CTNNA3: variants seen among roughly 807,000 people sequenced by gnomAD.
CTNNA3 encodes catenin alpha 3, also known as catenin alpha-3.
CTNNA3 carries 76 observed loss-of-function variants against 95.7 expected under a neutral mutation model. That is an observed-to-expected ratio of 0.79 (90% CI 0.66 to 0.96). The LOEUF (loss-of-function observed/expected upper bound fraction) is 0.96. CTNNA3 is among the 40% of genes least tolerant of loss of function. The pLI, the probability that CTNNA3 is intolerant of heterozygous loss-of-function variation, is 0.00. For missense variants in CTNNA3, 1,191 were observed against 1,089.8 expected, an observed-to-expected ratio of 1.09 and a Z score of -1.31; for synonymous variants, 431 against 374.4, an observed-to-expected ratio of 1.15 and a Z score of -1.74.
chr10:66,423,206 T>C (rs530233344), intron 11 of CTNNA3, among the ~76,000 whole-genome samples: 2 of 152,176 alleles, frequency 1.3e-5, no homozygotes, highest in South Asian at 4.2e-4. Flanking sequence ...CAGATAAGAT[T>C]TGCTTTGTTT....
chr10:66,198,976 A>C (rs1165723406), intron 13 of CTNNA3, among the ~76,000 whole-genome samples: 1 of 152,204 alleles, frequency 6.6e-6, no homozygotes, highest in Non-Finnish European at 1.5e-5. Flanking sequence ...CTGCTTTAGG[A>C]ATAAGTGTGA....
intron 3 of CTNNA3, among the ~76,000 whole-genome samples, chr10:67,543,623 A>C (rs893031684): frequency 6.6e-6 from 1 of 152,166 alleles, no homozygotes; most frequent in South Asian, 2.1e-4. Flanking sequence ...ACTTGACATT[A>C]TGTTTATTAT....
intron 9 of CTNNA3, among the ~76,000 whole-genome samples, chr10:66,689,757 T>C (rs1190392236): frequency 6.6e-6 from 1 of 152,022 alleles, no homozygotes; most frequent in African/African-American, 2.4e-5. Flanking sequence ...AGACAGTAAC[T>C]GCTGATATTG....
chr10:66,131,889 A>G (rs949344347), intron 13 of CTNNA3, among the ~76,000 whole-genome samples: 8 of 152,236 alleles, frequency 5.3e-5, no homozygotes, highest in Non-Finnish European at 1.0e-4. Flanking sequence ...TACACAGTAT[A>G]CAAATATCAA....
chr10:66,456,870 G>C (rs1397334287), intron 11 of CTNNA3, among the ~76,000 whole-genome samples: 2 of 151,974 alleles, frequency 1.3e-5, no homozygotes, highest in African/African-American at 4.8e-5. Context: ...AATGTGTGAG[G>C]ACTGCTTGAG....
At chr10:67,139,257 C>T (rs138082774) in intron 7 of CTNNA3, among the ~76,000 whole-genome samples, 2,880 of 151,630 alleles carry the variant, frequency 0.019, 100 homozygotes, top group African/African-American at 0.066. Flanking sequence ...TTCAGCCTCC[C>T]GAATAGCTAG....
rs149034322 is a variant in CTNNA3 at position 67,071,357 on chromosome 10, C to G, written c.1047+108960G>C. Among the ~76,000 whole-genome samples, 29 of 135,422 alleles carry G rather than the reference C, an allele frequency of 2.1e-4. No individual in the cohort carries two copies. In the East Asian group the frequency reaches 5.5e-3, roughly 26 times the overall value. The allele number at this position is 135,422 out of a possible 152,430, so 88.8% of individuals were successfully genotyped here. On this transcript the variant is annotated intron_variant, in intron 7 of 17. Coordinates refer to ENST00000433211, the MANE Select transcript of CTNNA3 (RefSeq NM_013266.4). ...TTTTTTTTTTTTGGTCAGAAAATGT[C>G]TTTGTTTCGATATTTTCAATAGATA...
At chr10:66,688,831 G>A (rs1055656143) in intron 9 of CTNNA3, among the ~76,000 whole-genome samples, 26 of 151,210 alleles carry the variant, frequency 1.7e-4, no homozygotes, top group African/African-American at 5.6e-4. Flanking sequence ...AAAATTAGCC[G>A]GGCGTGGTGG....
Position 66,927,754 on chromosome 10 carries a change from C to A in CTNNA3, c.1048-152230G>T. 6.2e-7 allele frequency: 1 copy of A among 1,614,212 alleles called. No homozygotes were observed. Among genetic ancestry groups the A allele is most frequent in the East Asian group, 2.2e-5 (1 of 44,876 alleles). ...CAGTGTTTTCCAGTGTGTCCCGAAT[C>A]TGCAGCGCCTCAACCTGGATTCCAA... On this transcript the variant is annotated intron_variant, in intron 7 of 17. Coordinates refer to ENST00000433211, the MANE Select transcript of CTNNA3 (RefSeq NM_013266.4). The surrounding 1 kb of genome is among the most constrained non-coding windows in gnomAD (Gnocchi z 4.7).
chr10:65,960,376 T>A (rs2077818220), intron 17 of CTNNA3, among the ~76,000 whole-genome samples: 1 of 151,960 alleles, frequency 6.6e-6, no homozygotes, highest in African/African-American at 2.4e-5. Context: ...ATACAAAAAA[T>A]TAGCCAGGCG....
intron 5 of CTNNA3, among the ~76,000 whole-genome samples, chr10:67,235,574 T>C (rs1490258716): frequency 3.5e-5 from 5 of 144,162 alleles, no homozygotes; most frequent in Non-Finnish European, 7.5e-5. Flanking sequence ...GAAGAAAACC[T>C]AGGCATTACC....
At chr10:66,681,256 A>G (rs1355628954) in intron 9 of CTNNA3, among the ~76,000 whole-genome samples, 1 of 152,160 alleles carries the variant, frequency 6.6e-6, no homozygotes, top group Non-Finnish European at 1.5e-5. Context: ...GAGTGACTGC[A>G]TATTACCCTG....
intron 5 of CTNNA3, among the ~76,000 whole-genome samples, chr10:67,446,349 T>C (rs79772660): frequency 0.017 from 2,654 of 152,192 alleles, 86 homozygotes; most frequent in African/African-American, 0.058. Context: ...GACCGAACTC[T>C]CAATGCAGCA....
chr10:67,350,562 T>C (rs1161197572), intron 5 of CTNNA3, among the ~76,000 whole-genome samples: 1 of 138,686 alleles, frequency 7.2e-6, no homozygotes, highest in Non-Finnish European at 1.6e-5. Context: ...ACCAAATGGT[T>C]AGTAAAAAAA....
At chr10:66,915,752 A>ATT (rs3056549) in intron 7 of CTNNA3, among the ~76,000 whole-genome samples, 379 of 137,254 alleles carry the variant, frequency 2.8e-3, no homozygotes, top group African/African-American at 9.5e-3. Context: ...ACATATATAC[A>ATT]TTTTTTTTTT....
intron 12 of CTNNA3, among the ~76,000 whole-genome samples, chr10:66,304,055 A>G (rs919722665): frequency 6.6e-6 from 1 of 152,166 alleles, no homozygotes; most frequent in Non-Finnish European, 1.5e-5. Flanking sequence ...GTATCCAGAA[A>G]AATAAAAACA....
chr10:67,100,320 G>A (rs1589738918), intron 7 of CTNNA3, among the ~76,000 whole-genome samples: 1 of 151,638 alleles, frequency 6.6e-6, no homozygotes, highest in South Asian at 2.1e-4. Flanking sequence ...GGAATTTTGA[G>A]ACTTCTCATC....
intron 2 of CTNNA3, among the ~76,000 whole-genome samples, chr10:67,607,434 G>T (rs188881938): frequency 5.3e-5 from 8 of 152,166 alleles, no homozygotes; most frequent in Admixed American, 4.6e-4. Context: ...CATCATAAAG[G>T]TCTTCATCCT....
intron 7 of CTNNA3, among the ~76,000 whole-genome samples, chr10:67,146,122 T>C (rs1860831414): frequency 6.6e-6 from 1 of 152,162 alleles, no homozygotes; most frequent in African/African-American, 2.4e-5. Context: ...ACTCATCAGA[T>C]ACTTTCTTGA....
Sources: gnomAD v4.1 joint callset for allele counts (sites outside exome capture counted in the v4.1 genomes callset) on GRCh38, gnomAD v4.1.1 for gene constraint, Gnocchi (gnomAD v3.1) non-coding constraint, MANE v1.5 for transcripts, NCBI Gene and HGNC (gene_info 2026-07-23, HGNC 2026-07-21) for gene names.